Variants in APC2 observed in about 807,000 individuals in gnomAD.
APC2 encodes the protein APC regulator of Wnt signaling pathway 2, also known as adenomatous polyposis coli protein 2.
Under a neutral mutation model 72.5 loss-of-function variants are expected in APC2, and 41 were observed. The observed-to-expected ratio is 0.57, with a 90% CI of 0.44 to 0.73. APC2 has a LOEUF of 0.73. APC2 is among the 30% of genes least tolerant of loss of function. APC2 has a pLI of 0.00. For missense variants in APC2, 3,729 were observed against 3,403.4 expected, an observed-to-expected ratio of 1.10 and a Z score of -2.38; for synonymous variants, 1,898 against 1,612.0, an observed-to-expected ratio of 1.18 and a Z score of -4.25.
chr19:1,466,504 C>A lies in APC2; in HGVS notation c.3203C>A (p.Ser1068Tyr). Residue 1068 changes from serine (S) to tyrosine (Y), a missense_variant, in exon 15 of 15, where the codon TCC becomes TAC. Transcript: ENST00000590469. ...GCGCAAGAGGGGCCACTCTCGCTGT[C>A]CCGATGCAGCTCCCTTTCCTCGCTG... ...LAAQEGPLSL[S>Y]RCSSLSSLSS... 1 of 1,596,952 alleles carries A rather than the reference C, an allele frequency of 6.3e-7. No homozygotes were observed.
chr19:1,460,149 T>C (rs1044562458), intron 10 of APC2, 32 bp from the exon 11 acceptor site: 3 of 1,612,202 alleles, frequency 1.9e-6, no homozygotes, highest in Admixed American at 1.7e-5. Flanking sequence ...GGGTCATCCC[T>C]GCCACCCACC....
chr19:1,469,264 G>A lies in APC2; in HGVS notation c.5963G>A (p.Arg1988His), dbSNP rs1476529848. ...ALSSGSESSD[R>H]SGFRRQLTFI... The stretch of plus-strand genomic sequence containing the variant: ...TCCAGCGGCAGCGAGTCCTCCGACC[G>A]CTCGGGCTTCCGGCGACAGCTAACC... Residue 1988 changes from arginine to histidine, a missense_variant, in exon 15 of 15, where the codon CGC becomes CAC. Coordinates refer to ENST00000590469, the MANE Select transcript of APC2 (RefSeq NM_005883.3). 2.8e-6 allele frequency: 4 copies of A among 1,425,840 alleles called. No individual in the cohort carries two copies. The highest frequency in any genetic ancestry group is 3.0e-5 in the African/African-American group (2 of 66,554). 88.3% of individuals were successfully genotyped at this position (1,425,840 alleles called of 1,614,324 possible).
At position 1,469,946 on chromosome 19, in the gene APC2, C is replaced by G. The variant is rs1277728476; in HGVS notation, c.6645C>G (p.Pro2215=). The change falls in exon 15 of 15, where the codon CCC becomes CCG. Residue 2215 remains proline, a synonymous_variant. Transcript: ENST00000590469. The stretch of plus-strand genomic sequence containing the variant: ...CGAGCCTGGAGACCAGGGAGCCCCC[C>G]GGGGCCCCCGCCGGCGGCCAGCTCT... ...TSPSLETREP[P]GAPAGGQLSL... 6.6e-7 allele frequency: 1 copy of G among 1,512,394 alleles called. No individual in the cohort carries two copies. The highest frequency in any genetic ancestry group is 2.5e-5 in the East Asian group (1 of 39,216). The allele number at this position is 1,512,394 out of a possible 1,614,324, so 93.7% of individuals were successfully genotyped here. A position where few individuals can be genotyped will look rare whatever the true frequency, so the allele number is the denominator to read the frequency against.
chr19:1,449,730 G>A (rs1269818713), upstream of APC2, among the ~76,000 whole-genome samples: 1 of 152,120 alleles, frequency 6.6e-6, no homozygotes, highest in Non-Finnish European at 1.5e-5. Context: ...ACCAGGCCAG[G>A]CTGGACCTGT....
intron 4 of APC2, among the ~76,000 whole-genome samples, chr19:1,453,904 C>T (rs769233356): frequency 2.6e-5 from 4 of 152,210 alleles, no homozygotes; most frequent in African/African-American, 9.7e-5. Context: ...GTCCGAGACA[C>T]GCAGGCGTCG....
At chr19:1,459,271 C>G (rs1317561990) in intron 10 of APC2, among the ~76,000 whole-genome samples, 2 of 152,118 alleles carry the variant, frequency 1.3e-5, no homozygotes, top group Non-Finnish European at 2.9e-5. Flanking sequence ...GTGGCGCCAT[C>G]TCGGCTCACT....
At chr19:1,456,747 T>G in intron 8 of APC2, 106 bp from the exon 9 acceptor site, 4 of 1,362,962 alleles carry the variant, frequency 2.9e-6, no homozygotes, top group Non-Finnish European at 3.9e-6. Flanking sequence ...CAGGTGGGCG[T>G]GGGGCTGCCC....
chr19:1,446,613 C>G (rs538072678), upstream of APC2, among the ~76,000 whole-genome samples: 73 of 152,216 alleles, frequency 4.8e-4, 1 homozygote, highest in African/African-American at 1.7e-3. The surrounding 1 kb of genome is among the most constrained non-coding windows in gnomAD (Gnocchi z 6.1). Context: ...GCCCAGCCCT[C>G]GGCCTCTGCA....
Position 1,453,597 on chromosome 19 carries a change from A to G in APC2, c.399A>G (p.Glu133=), listed in dbSNP as rs1318434839. 6.2e-7 allele frequency: 1 copy of G among 1,603,592 alleles called. No individual in the cohort carries two copies. Among genetic ancestry groups the G allele is most frequent in the South Asian group, 1.1e-5 (1 of 90,206 alleles). The stretch of plus-strand genomic sequence containing the variant: ...GGGCCACCATCCGGCTGCTGGAGGA[A>G]CTGGACCGGGAACGGTGAGTGGGCG... ...LSRATIRLLE[E]LDRERCFLLN... is the part of the protein sequence containing the mutation. Residue 133 remains glutamate (E), a synonymous_variant, in exon 4 of 15, where the codon GAA becomes GAG. Coordinates refer to ENST00000590469, the MANE Select transcript of APC2 (RefSeq NM_005883.3).
chr19:1,466,732 C>G lies in APC2; in HGVS notation c.3431C>G (p.Pro1144Arg), dbSNP rs763586238. ...GGCCTGGGGGTGGAAGACGCCACGCCGTCCAGCTCGTCGGAGAACTACGTG... is the reference window on the plus strand; with the variant it reads ...GGCCTGGGGGTGGAAGACGCCACGCGGTCCAGCTCGTCGGAGAACTACGTG... ...GRGLGVEDATPSSSSENYVQE... is the reference protein window; with the variant it reads ...GRGLGVEDATRSSSSENYVQE... The change falls in exon 15 of 15, where the codon CCG becomes CGG. Residue 1144 changes from proline to arginine, a missense_variant. Physicochemically the swap from Pro to Arg is moderately radical, Grantham distance 103. Coordinates refer to ENST00000590469, the MANE Select transcript of APC2 (RefSeq NM_005883.3). 71 of 1,539,984 alleles carry G rather than the reference C, an allele frequency of 4.6e-5. No individual in the cohort carries two copies. Among genetic ancestry groups the G allele is most frequent in the Non-Finnish European group, 6.2e-5 (71 of 1,141,200 alleles).
At chr19:1,457,641 T>G (rs1263748249) in intron 9 of APC2, 4 of 503,572 alleles carry the variant, frequency 7.9e-6, no homozygotes, top group Middle Eastern at 5.3e-4. Context: ...GGGGCTGCAG[T>G]GAGCTGAGAT....
rs2084150454 is a variant in APC2, at chr19:1,472,446, G to A, written c.*2233G>A. Reference sequence around the variant, plus strand: ...TCTGTTTCCCCATGTGGGCCGTGGGGAACTCCCAGAGCTACCTCTTGGGGG... The same window carrying A: ...TCTGTTTCCCCATGTGGGCCGTGGGAAACTCCCAGAGCTACCTCTTGGGGG... On this transcript the variant is annotated 3_prime_UTR_variant, in exon 15 of 15. Coordinates refer to ENST00000590469, the MANE Select transcript of APC2 (RefSeq NM_005883.3). 6.6e-6 allele frequency: 1 copy of A among 152,230 alleles called. No individual in the cohort carries two copies. Among genetic ancestry groups the A allele is most frequent in the African/African-American group, 2.4e-5 (1 of 41,446 alleles). The allele number at this position is 152,230 out of a possible 1,614,324, so 9.4% of individuals were successfully genotyped here.
intron 11 of APC2, among the ~76,000 whole-genome samples, chr19:1,460,527 C>G (rs778924086): frequency 2.0e-5 from 3 of 152,244 alleles, no homozygotes; most frequent in Non-Finnish European, 2.9e-5. Context: ...GGTGTCCTCA[C>G]GCCCACCCTG....
chr19:1,460,731 T>C, intron 11 of APC2, 49 bp from the exon 12 acceptor site: 3 of 1,570,070 alleles, frequency 1.9e-6, no homozygotes, highest in South Asian at 1.1e-5. Flanking sequence ...AGGGGCACAG[T>C]CTCCCTTGTG....
In APC2 at chr19:1,450,269, C is replaced by A; in HGVS notation, c.-88C>A. 8.1e-6 allele frequency: 8 copies of A among 985,420 alleles called. No homozygotes were observed. Among genetic ancestry groups the A allele is most frequent in the Non-Finnish European group, 9.6e-6 (8 of 829,934 alleles). 61.0% of individuals were successfully genotyped at this position (985,420 alleles called of 1,614,324 possible). On this transcript the variant is annotated 5_prime_UTR_variant, in exon 1 of 15. Coordinates refer to ENST00000590469, the MANE Select transcript of APC2 (RefSeq NM_005883.3). Reference sequence around the variant, plus strand: ...CCCCGGGCCGGGATTTCCGGTGGGGCCCGCGGAGCCGCGCAGAGGGAGGAG... The same window carrying A: ...CCCCGGGCCGGGATTTCCGGTGGGGACCGCGGAGCCGCGCAGAGGGAGGAG...
chr19:1,449,333 A>G (rs2083716280), upstream of APC2, among the ~76,000 whole-genome samples: 1 of 152,012 alleles, frequency 6.6e-6, no homozygotes, highest in Admixed American at 6.5e-5. Flanking sequence ...TGTGTGTTAA[A>G]CCTTCAAATG....
rs1216451850 is a variant in APC2 at position 1,467,328 on chromosome 19, C to T, written c.4027C>T (p.Leu1343=). The change falls in exon 15 of 15, where the codon CTG becomes TTG. Residue 1343 remains leucine, a synonymous_variant. Transcript: ENST00000590469. ...CGCCGCGGACCAGGAGCTGGAACTG[C>T]TGCGGGAGTGCCTGGGAGCCGCCGT... ...RGAADQELEL[L]RECLGAAVPA... is the part of the protein sequence containing the mutation. 1 of 1,418,020 alleles carries T rather than the reference C, an allele frequency of 7.1e-7. No homozygotes were observed. The highest frequency in any genetic ancestry group is 9.2e-7 in the Non-Finnish European group (1 of 1,089,832). The allele number at this position is 1,418,020 out of a possible 1,614,324, so 87.8% of individuals were successfully genotyped here.
Position 1,452,950 on chromosome 19 carries a change from C to T in APC2, c.-18-34C>T. On this transcript the variant is annotated intron_variant, in intron 1 of 14. Transcript: ENST00000590469. The surrounding 1 kb of genome is among the most constrained non-coding windows in gnomAD (Gnocchi z 5.1). ...AAGGCATCACCGCGCCCTCCCCAGACCATCAGCTGAACCCTCTGACCCTGT... is the reference window on the plus strand; with the variant it reads ...AAGGCATCACCGCGCCCTCCCCAGATCATCAGCTGAACCCTCTGACCCTGT... 6.2e-7 allele frequency: 1 copy of T among 1,601,924 alleles called. No individual in the cohort carries two copies. The highest frequency in any genetic ancestry group is 8.5e-7 in the Non-Finnish European group (1 of 1,174,846).
chr19:1,446,954 CTTCGAG>C (rs1205617562), upstream of APC2, among the ~76,000 whole-genome samples: 1 of 152,178 alleles, frequency 6.6e-6, no homozygotes, highest in Non-Finnish European at 1.5e-5. The surrounding 1 kb of genome is among the most constrained non-coding windows in gnomAD (Gnocchi z 6.1). Context: ...CAAGGTCACG[CTTCGAG>C]GCCGGAGCCT....
Sources: allele counts gnomAD v4.1 joint callset (sites outside exome capture counted in the v4.1 genomes callset), GRCh38; gene constraint gnomAD v4.1.1; non-coding constraint Gnocchi (gnomAD v3.1); transcripts MANE v1.5; gene names NCBI Gene and HGNC (gene_info 2026-07-23, HGNC 2026-07-21).